Variants in MMP16 observed in about 807,000 individuals in gnomAD.
The protein encoded by MMP16 is matrix metalloproteinase-16.
Under a neutral mutation model 67.8 loss-of-function variants are expected in MMP16, and 12 were observed. The observed-to-expected ratio is 0.18, with a 90% CI of 0.11 to 0.29. MMP16 has a LOEUF of 0.29. MMP16 is among the 10% of genes least tolerant of loss of function. The probability of loss-of-function intolerance (pLI) is 1.00; values close to 1 mark genes in which losing one functional copy is unlikely to be tolerated. For synonymous variants in MMP16, 249 were observed against 255.9 expected (o/e 0.97, Z 0.26); for missense variants, 475 against 765.7 (o/e 0.62, Z 4.48).
chr8:88,075,974 C>CACACACACACACACAA (rs1467455212), intron 6 of MMP16, among the ~76,000 whole-genome samples: 2 of 151,208 alleles, frequency 1.3e-5, no homozygotes, highest in Admixed American at 1.3e-4. Context: ...CACACACACA[C>CACACACACACACACAA]AAAATCTACT....
chr8:88,174,050 T>A (rs1005008291), intron 3 of MMP16, among the ~76,000 whole-genome samples: 27 of 152,138 alleles, frequency 1.8e-4, no homozygotes, highest in African/African-American at 6.0e-4. Context: ...TGTAGGCATT[T>A]AAAAAAAATT....
chr8:88,088,057 CTATATATAATAGATATCTATATATCTA>C (rs765242093), intron 6 of MMP16, among the ~76,000 whole-genome samples: 25,060 of 138,048 alleles, frequency 0.18, 2,872 homozygotes, highest in East Asian at 0.51. Context: ...TCTATTATAT[CTATATATAATAGATATCTATATATCTA>C]TATATAATAG....
chr8:88,148,885 G>A (rs539937132), intron 4 of MMP16, among the ~76,000 whole-genome samples: 23 of 152,284 alleles, frequency 1.5e-4, no homozygotes, highest in South Asian at 4.1e-4. Context: ...GAACAGCTCC[G>A]GTCTACAGCT....
intron 8 of MMP16, among the ~76,000 whole-genome samples, chr8:88,053,911 T>C (rs1440471706): frequency 1.3e-5 from 2 of 152,150 alleles, no homozygotes; most frequent in Non-Finnish European, 2.9e-5. Context: ...GGCATTTCTA[T>C]ATATTTTCTA....
chr8:88,171,182 C>T (rs1294394811), intron 3 of MMP16, among the ~76,000 whole-genome samples: 2 of 152,028 alleles, frequency 1.3e-5, no homozygotes, highest in African/African-American at 4.8e-5. Context: ...CAACACATCG[C>T]TGTGTTTTTC....
At chr8:88,190,076 C>T (rs180929795) in intron 2 of MMP16, among the ~76,000 whole-genome samples, 12 of 152,208 alleles carry the variant, frequency 7.9e-5, no homozygotes, top group East Asian at 3.9e-4. Flanking sequence ...AGAGACATTA[C>T]GTGGATACTT....
At chr8:88,137,242 G>A (rs1808135653) in intron 4 of MMP16, among the ~76,000 whole-genome samples, 1 of 151,548 alleles carries the variant, frequency 6.6e-6, no homozygotes, top group South Asian at 2.1e-4. Context: ...TGCCATTTTG[G>A]AGTTGTCTGT....
chr8:88,262,966 A>T (rs1382019235), intron 1 of MMP16, among the ~76,000 whole-genome samples: 3 of 151,114 alleles, frequency 2.0e-5, no homozygotes, highest in African/African-American at 7.3e-5. Flanking sequence ...TGGAGCTTGC[A>T]GTGAGCCGAG....
At chr8:88,097,967 C>A (rs776523652) in intron 6 of MMP16, among the ~76,000 whole-genome samples, 74 of 151,786 alleles carry the variant, frequency 4.9e-4, no homozygotes, top group Non-Finnish European at 9.6e-4. Flanking sequence ...CTTTTGACAC[C>A]AACGGCGAGG....
At chr8:88,229,088 G>A (rs1809816569) in intron 1 of MMP16, among the ~76,000 whole-genome samples, 1 of 152,018 alleles carries the variant, frequency 6.6e-6, no homozygotes, top group South Asian at 2.1e-4. Flanking sequence ...TTGAGCTCAG[G>A]AGGTCAAGGC....
chr8:88,116,836 CT>C, intron 5 of MMP16, 118 bp from the exon 6 acceptor site: 1 of 879,808 alleles, frequency 1.1e-6, no homozygotes, highest in South Asian at 1.9e-5. Context: ...ACTAAGAGGT[CT>C]TTAAGATCGT....
chr8:88,047,634 G>C (rs1483900739), intron 8 of MMP16, among the ~76,000 whole-genome samples: 2 of 152,196 alleles, frequency 1.3e-5, no homozygotes, highest in Non-Finnish European at 2.9e-5. Flanking sequence ...GTGTCTACAA[G>C]GAGGCTGGGG....
intron 4 of MMP16, among the ~76,000 whole-genome samples, chr8:88,138,444 T>C (rs1224967386): frequency 1.3e-5 from 2 of 152,052 alleles, no homozygotes; most frequent in African/African-American, 4.8e-5. Flanking sequence ...GCTTTTTGAC[T>C]GGCTCTTAGA....
chr8:88,159,856 T>G (rs891104070), intron 4 of MMP16, among the ~76,000 whole-genome samples: 1 of 152,196 alleles, frequency 6.6e-6, no homozygotes, highest in African/African-American at 2.4e-5. Flanking sequence ...TGTTGAATTT[T>G]GTCAAAGGCC....
At chr8:88,188,674 G>A (rs1809117948) in intron 2 of MMP16, among the ~76,000 whole-genome samples, 1 of 144,698 alleles carries the variant, frequency 6.9e-6, no homozygotes, top group African/African-American at 2.6e-5. Flanking sequence ...TTTTTTTTGA[G>A]TCCGAGTTTT....
At chr8:88,207,556 C>A (rs975347320) in intron 1 of MMP16, among the ~76,000 whole-genome samples, 1 of 152,150 alleles carries the variant, frequency 6.6e-6, no homozygotes, top group African/African-American at 2.4e-5. Context: ...AAGCACTCCT[C>A]AGAAGTAGAT....
chr8:88,168,171 T>C (rs771749110), intron 3 of MMP16, among the ~76,000 whole-genome samples, 198 bp from the exon 4 acceptor site: 7 of 152,170 alleles, frequency 4.6e-5, no homozygotes, highest in Non-Finnish European at 8.8e-5. Flanking sequence ...AGTATTCATG[T>C]ACCAAAGTTT....
intron 6 of MMP16, among the ~76,000 whole-genome samples, chr8:88,082,151 G>T (rs1316347405): frequency 6.6e-6 from 1 of 151,666 alleles, no homozygotes; most frequent in Non-Finnish European, 1.5e-5. Context: ...TTATACAAAC[G>T]CACACGCACA....
At chr8:88,143,974 C>T (rs558929766) in intron 4 of MMP16, among the ~76,000 whole-genome samples, 4 of 151,976 alleles carry the variant, frequency 2.6e-5, no homozygotes, top group Middle Eastern at 3.4e-3. Context: ...ATTTCTCCAA[C>T]GTTTCCATTA....
Sources: gnomAD v4.1 joint callset for allele counts (sites outside exome capture counted in the v4.1 genomes callset) on GRCh38, gnomAD v4.1.1 for gene constraint, MANE v1.5 for transcripts, NCBI Gene and HGNC (gene_info 2026-07-23, HGNC 2026-07-21) for gene names.